Variants in INSC observed in about 807,000 individuals in gnomAD.
INSC encodes the protein INSC spindle orientation adaptor protein.
In INSC, 67 loss-of-function variants were observed where a neutral mutation model predicts 58.6. The observed-to-expected ratio is 1.14, with a 90% CI of 0.94 to 1.40. INSC has a LOEUF of 1.40. INSC is among the 40% of genes most tolerant of loss of function. INSC has a pLI of 0.00. For missense variants in INSC, 714 were observed against 692.0 expected, an observed-to-expected ratio of 1.03 and a Z score of -0.36; for synonymous variants, 262 against 276.1, an observed-to-expected ratio of 0.95 and a Z score of 0.51.
At chr11:15,269,655 T>C in the INSC span, among the ~76,000 whole-genome samples, 3 of 151,992 alleles carry the variant, frequency 2.0e-5, no homozygotes, top group Non-Finnish European at 2.9e-5. Context: ...TTGAATAGCA[T>C]CCTACATGAT....
At chr11:15,200,253 G>A (rs1293323801) in intron 6 of INSC, among the ~76,000 whole-genome samples, 2 of 151,846 alleles carry the variant, frequency 1.3e-5, no homozygotes, top group African/African-American at 4.8e-5. Flanking sequence ...TACCCATCCG[G>A]ACTTCAGTTT....
At chr11:15,152,042 T>C (rs967573865) in intron 2 of INSC, among the ~76,000 whole-genome samples, 1 of 152,246 alleles carries the variant, frequency 6.6e-6, no homozygotes, top group African/African-American at 2.4e-5. Context: ...CACACAGCTA[T>C]TCATTTAGTC....
chr11:15,219,505 C>T (rs1273522442), intron 7 of INSC, among the ~76,000 whole-genome samples: 2 of 152,116 alleles, frequency 1.3e-5, no homozygotes, highest in African/African-American at 2.4e-5. Flanking sequence ...GGTTTCAGAG[C>T]AGCAGTCTGG....
At chr11:15,177,746 C>A (rs1647132343) in intron 4 of INSC, among the ~76,000 whole-genome samples, 1 of 152,150 alleles carries the variant, frequency 6.6e-6, no homozygotes, top group African/African-American at 2.4e-5. Flanking sequence ...GAGCCTGTGT[C>A]CTGAAGATAA....
chr11:15,239,640 C>T (rs1252600745), intron 11 of INSC, among the ~76,000 whole-genome samples: 2 of 152,312 alleles, frequency 1.3e-5, no homozygotes, highest in East Asian at 3.9e-4. Context: ...CCCAGGGGCT[C>T]ACAGCCTCAT....
intron 7 of INSC, among the ~76,000 whole-genome samples, chr11:15,211,575 T>C (rs1043006434): frequency 7.2e-5 from 11 of 152,198 alleles, no homozygotes; most frequent in Non-Finnish European, 1.5e-4. Flanking sequence ...TTGTAGTCGG[T>C]GCTGCTTGCG....
intron 7 of INSC, among the ~76,000 whole-genome samples, chr11:15,209,669 A>C (rs1249261641): frequency 6.6e-6 from 1 of 152,102 alleles, no homozygotes; most frequent in Non-Finnish European, 1.5e-5. Context: ...ACAGGTGAAT[A>C]ATGTTTGCTA....
chr11:15,180,689 G>GA (rs1421246964), intron 5 of INSC, among the ~76,000 whole-genome samples: 1 of 97,000 alleles, frequency 1.0e-5, no homozygotes, highest in East Asian at 6.4e-4. Context: ...GAGTGAGGGG[G>GA]GGGGCGGGGG....
intron 2 of INSC, among the ~76,000 whole-genome samples, chr11:15,163,431 T>C (rs1849085684): frequency 6.6e-6 from 1 of 152,134 alleles, no homozygotes; most frequent in African/African-American, 2.4e-5. Flanking sequence ...TAGTTTTAAG[T>C]CCCCTCCCCC....
intron 7 of INSC, 58 bp downstream of exon 7, chr11:15,201,007 C>G: frequency 6.5e-7 from 1 of 1,542,120 alleles, no homozygotes. Flanking sequence ...GGGTGAGGTC[C>G]AGGCCTCATG....
At chr11:15,269,453 G>A in the INSC span, among the ~76,000 whole-genome samples, 41 of 151,884 alleles carry the variant, frequency 2.7e-4, no homozygotes, top group African/African-American at 9.9e-4. Flanking sequence ...ATTTTCCAGA[G>A]GACAGTTTTC....
intron 2 of INSC, among the ~76,000 whole-genome samples, chr11:15,155,963 G>A (rs1334348568): frequency 6.6e-6 from 1 of 152,160 alleles, no homozygotes; most frequent in Non-Finnish European, 1.5e-5. Flanking sequence ...CAGGCACAGT[G>A]ACCTTCTCCA....
At chr11:15,148,773 G>A (rs1045148307) in intron 1 of INSC, among the ~76,000 whole-genome samples, 1 of 150,960 alleles carries the variant, frequency 6.6e-6, no homozygotes, top group African/African-American at 2.5e-5. Flanking sequence ...AGTTAAATGT[G>A]AATCTCAGAT....
At chr11:15,164,868 C>T (rs1849141550) in intron 2 of INSC, among the ~76,000 whole-genome samples, 2 of 152,236 alleles carry the variant, frequency 1.3e-5, no homozygotes, top group Admixed American at 1.3e-4. Context: ...GTGAATAAGT[C>T]TCACGAGATC....
At chr11:15,253,209 C>G in the INSC span, among the ~76,000 whole-genome samples, 1 of 152,164 alleles carries the variant, frequency 6.6e-6, no homozygotes, top group South Asian at 2.1e-4. Flanking sequence ...TAACAATATT[C>G]CACGCCCTTT....
intron 12 of INSC, among the ~76,000 whole-genome samples, chr11:15,242,306 C>T (rs916218705): frequency 2.0e-5 from 3 of 152,156 alleles, no homozygotes; most frequent in Admixed American, 2.0e-4. Flanking sequence ...CACAGAAGAG[C>T]TTGGCTACTA....
chr11:15,241,571 T>C (rs1385584199), intron 12 of INSC: 1 of 702,882 alleles, frequency 1.4e-6, no homozygotes, highest in East Asian at 2.7e-5. Flanking sequence ...TTCTAGGCTA[T>C]GGGGATACAG....
intron 1 of INSC, among the ~76,000 whole-genome samples, chr11:15,135,972 T>G (rs867693619): frequency 4.6e-5 from 7 of 152,190 alleles, no homozygotes; most frequent in Middle Eastern, 3.4e-3. Context: ...ATGACGGAGG[T>G]AGAAGGGCCA....
At chr11:15,230,004 TATATATATAA>T (rs1564917738) in intron 9 of INSC, among the ~76,000 whole-genome samples, 1 of 27,294 alleles carries the variant, frequency 3.7e-5, no homozygotes, top group East Asian at 2.2e-3. Context: ...TATATATATA[TATATATATAA>T]TATATATATA....
Sources: gnomAD v4.1 joint callset for allele counts (sites outside exome capture counted in the v4.1 genomes callset) on GRCh38, gnomAD v4.1.1 for gene constraint, MANE v1.5 for transcripts, NCBI Gene and HGNC (gene_info 2026-07-23, HGNC 2026-07-21) for gene names.